Variants in NXPH1 observed in about 807,000 individuals in gnomAD.
NXPH1 encodes the protein neurexophilin-1.
NXPH1 carries 5 observed loss-of-function variants against 23.7 expected under a neutral mutation model. The observed-to-expected ratio is 0.21, with a 90% CI of 0.11 to 0.44. The LOEUF is 0.44. Ranked by LOEUF, NXPH1 falls within the 20% of genes least tolerant of loss-of-function variation. NXPH1 has a pLI of 0.99. For missense variants in NXPH1, 324 were observed against 321.6 expected (o/e 1.01, Z -0.06); for synonymous variants, 144 against 122.2 (o/e 1.18, Z -1.18).
In NXPH1 at chr7:8,751,771, G is replaced by A. The variant is rs748432098; in HGVS notation, c.*2G>A. On this transcript the variant is annotated 3_prime_UTR_variant, in exon 3 of 3. Coordinates refer to ENST00000405863, the MANE Select transcript of NXPH1 (RefSeq NM_152745.3). This position sits in a 1 kb window ranked among gnomAD's most constrained non-coding sequence, Gnocchi z 4.5. ...ACACCTTACTTTCCCTCGGGATGAA[G>A]GTGAACATGGGGGTGAGACTGAAGC... 3 of 1,603,936 alleles carry A rather than the reference G, an allele frequency of 1.9e-6. No individual in the cohort carries two copies. In the African/African-American group the frequency reaches 4.0e-5, roughly 21 times the overall value.
At chr7:8,632,505 G>A (rs1820151493) in intron 2 of NXPH1, among the ~76,000 whole-genome samples, 2 of 152,076 alleles carry the variant, frequency 1.3e-5, no homozygotes, top group South Asian at 4.1e-4. Context: ...TCACTTTAAG[G>A]GTTATCCTTT....
At chr7:8,558,507 A>G (rs1175258757) in intron 2 of NXPH1, among the ~76,000 whole-genome samples, 2 of 151,702 alleles carry the variant, frequency 1.3e-5, no homozygotes, top group Non-Finnish European at 3.0e-5. Flanking sequence ...TAGTTACTAC[A>G]TAAAATGATA....
intron 2 of NXPH1, among the ~76,000 whole-genome samples, chr7:8,522,988 T>C (rs139142461): frequency 5.3e-5 from 8 of 152,344 alleles, no homozygotes; most frequent in Non-Finnish European, 1.2e-4. Context: ...TGTGTAACTT[T>C]GGGCAAATAC....
chr7:8,473,254 A>G lies in NXPH1; in HGVS notation c.54+37487A>G, dbSNP rs181939935. On this transcript the variant is annotated intron_variant, in intron 2 of 2. Transcript: ENST00000405863. ...TTTATTGAGCGGCTGTTCCCAACCA[A>G]GGCTTGAAAATCATTGACAAAAGCA... 1.7e-4 allele frequency among the ~76,000 whole-genome samples: 26 copies of G among 152,276 alleles called. 1 individual carries two copies. In the East Asian group the frequency reaches 4.8e-3, roughly 28 times the overall value.
chr7:8,533,483 AT>A (rs1817982866), intron 2 of NXPH1, among the ~76,000 whole-genome samples: 1 of 152,112 alleles, frequency 6.6e-6, no homozygotes, highest in Non-Finnish European at 1.5e-5. Context: ...AAAACTTAGC[AT>A]TTTTAAAAAA....
chr7:8,691,523 G>T (rs1445279812), intron 2 of NXPH1, among the ~76,000 whole-genome samples: 1 of 152,018 alleles, frequency 6.6e-6, no homozygotes, highest in East Asian at 1.9e-4. Flanking sequence ...TGGTAAACAT[G>T]ATTTTTTTAA....
chr7:8,709,732 CT>C (rs1291109547), intron 2 of NXPH1, among the ~76,000 whole-genome samples: 1 of 152,114 alleles, frequency 6.6e-6, no homozygotes, highest in Non-Finnish European at 1.5e-5. Context: ...TCTGTTAAGT[CT>C]TTATAGATAA....
chr7:8,499,464 G>A (rs1817395201), intron 2 of NXPH1, among the ~76,000 whole-genome samples: 1 of 152,020 alleles, frequency 6.6e-6, no homozygotes, highest in African/African-American at 2.4e-5. Context: ...GCCTACAAAG[G>A]CTAGTCTGGA....
At chr7:8,569,943 C>A (rs562526217) in intron 2 of NXPH1, among the ~76,000 whole-genome samples, 1 of 151,950 alleles carries the variant, frequency 6.6e-6, no homozygotes, top group East Asian at 1.9e-4. Context: ...AATAATAGTA[C>A]CCATAGTATA....
chr7:8,552,256 C>G (rs1280638186), intron 2 of NXPH1, among the ~76,000 whole-genome samples: 1 of 151,302 alleles, frequency 6.6e-6, no homozygotes, highest in African/African-American at 2.4e-5. Flanking sequence ...AATAATGTTC[C>G]TATGCAATTA....
chr7:8,712,943 C>T (rs749583354), intron 2 of NXPH1, among the ~76,000 whole-genome samples: 1 of 152,072 alleles, frequency 6.6e-6, no homozygotes, highest in Non-Finnish European at 1.5e-5. Context: ...CTTTCTTGTA[C>T]TTGAATATTG....
chr7:8,549,177 C>G (rs1818239789), intron 2 of NXPH1, among the ~76,000 whole-genome samples: 1 of 151,410 alleles, frequency 6.6e-6, no homozygotes, highest in Non-Finnish European at 1.5e-5. Flanking sequence ...GAACCCAGAC[C>G]CTGGATTTCA....
At chr7:8,686,289 G>A (rs575670832) in intron 2 of NXPH1, among the ~76,000 whole-genome samples, 3 of 151,908 alleles carry the variant, frequency 2.0e-5, no homozygotes, top group East Asian at 1.9e-4. Context: ...CTTTCCTTAC[G>A]TCTAATGAAA....
intron 2 of NXPH1, among the ~76,000 whole-genome samples, chr7:8,443,236 C>T (rs747769703): frequency 6.6e-6 from 1 of 152,250 alleles, no homozygotes; most frequent in African/African-American, 2.4e-5. Context: ...CATTACCACA[C>T]TCAGTGGTTG....
intron 2 of NXPH1, among the ~76,000 whole-genome samples, chr7:8,500,486 G>A (rs894623806): frequency 2.6e-5 from 4 of 152,028 alleles, no homozygotes; most frequent in Non-Finnish European, 5.9e-5. Flanking sequence ...TTCAGAAATG[G>A]CATCTGCCTT....
chr7:8,467,948 G>A (rs1188142542), intron 2 of NXPH1, among the ~76,000 whole-genome samples: 1 of 152,062 alleles, frequency 6.6e-6, no homozygotes, highest in African/African-American at 2.4e-5. Context: ...ATTGTACTCT[G>A]TAGGAATGCC....
chr7:8,497,784 T>C (rs1817363285), intron 2 of NXPH1, among the ~76,000 whole-genome samples: 1 of 152,170 alleles, frequency 6.6e-6, no homozygotes. Flanking sequence ...GATGGGTAGA[T>C]TGTAAAAATT....
At chr7:8,511,132 A>T (rs1346935876) in intron 2 of NXPH1, among the ~76,000 whole-genome samples, 1 of 152,160 alleles carries the variant, frequency 6.6e-6, no homozygotes, top group Non-Finnish European at 1.5e-5. Context: ...ATTACAGGCA[A>T]GTCTTCTAAA....
intron 2 of NXPH1, among the ~76,000 whole-genome samples, chr7:8,736,118 C>G (rs1466878043): frequency 2.0e-5 from 3 of 152,042 alleles, no homozygotes; most frequent in Non-Finnish European, 4.4e-5. Context: ...TTTTTTGTGT[C>G]TCTATCTCCT....
Sources: gnomAD v4.1 joint callset for allele counts (sites outside exome capture counted in the v4.1 genomes callset) on GRCh38, gnomAD v4.1.1 for gene constraint, Gnocchi (gnomAD v3.1) non-coding constraint, MANE v1.5 for transcripts, NCBI Gene and HGNC (gene_info 2026-07-23, HGNC 2026-07-21) for gene names.